The following CASZ1 variants were observed in gnomAD, a reference collection of about 807,000 sequenced individuals.
The protein encoded by CASZ1 is zinc finger protein castor homolog 1.
A neutral mutation model predicts 135.2 loss-of-function variants in CASZ1; 28 were observed. The ratio of observed to expected loss-of-function variants is 0.21; its 90% CI spans 0.15 to 0.28. CASZ1 has a LOEUF of 0.28. CASZ1 is among the 10% of genes least tolerant of loss of function. The pLI is 1.00. For missense variants in CASZ1, 2,161 were observed against 2,453.3 expected (o/e 0.88, Z 2.52); for synonymous variants, 1,068 against 1,073.4 (o/e 0.99, Z 0.10).
intron 2 of CASZ1, among the ~76,000 whole-genome samples, chr1:10,750,028 C>G (rs577295572): frequency 1.3e-5 from 2 of 152,176 alleles, no homozygotes; most frequent in East Asian, 3.9e-4. Context: ...GGACAGCCGG[C>G]CTGTGTGCAG....
chr1:10,672,469 C>G (rs1171060439), intron 4 of CASZ1, among the ~76,000 whole-genome samples: 1 of 150,508 alleles, frequency 6.6e-6, no homozygotes, highest in Non-Finnish European at 1.5e-5. Context: ...GCCCGCGCTC[C>G]AGCCCTCCGC....
rs476164 is a variant in CASZ1, at chr1:10,659,509, T to C, written c.1340+193A>G. 0.24 allele frequency among the ~76,000 whole-genome samples: 35,732 copies of C among 152,026 alleles called. 4,924 individuals are homozygous for C. The highest frequency in any genetic ancestry group is 0.37 in the African/African-American group (15,350 of 41,446). Reference sequence around the variant, plus strand: ...CTGTAGGTGCAAGAGTGAATGTGAGTGCGGCGCGCACCTGTGTGTGTGGAA... The same window carrying C: ...CTGTAGGTGCAAGAGTGAATGTGAGCGCGGCGCGCACCTGTGTGTGTGGAA... On this transcript the variant is annotated intron_variant, in intron 6 of 20. Transcript: ENST00000377022.
intron 2 of CASZ1, among the ~76,000 whole-genome samples, chr1:10,750,069 C>T (rs750413671): frequency 2.0e-5 from 3 of 152,074 alleles, no homozygotes; most frequent in Non-Finnish European, 2.9e-5. Flanking sequence ...CATTGCATGA[C>T]GAACTGGCAG....
At chr1:10,650,807 C>T (rs1642547277) in intron 12 of CASZ1, 52 bp from the exon 13 acceptor site, 2 of 1,605,146 alleles carry the variant, frequency 1.2e-6, no homozygotes, top group Admixed American at 1.7e-5. Context: ...GGCCTGGGCC[C>T]TGGGGCTCAC....
At chr1:10,661,862 ACT>A (rs555850824) in intron 5 of CASZ1, among the ~76,000 whole-genome samples, 174 of 151,534 alleles carry the variant, frequency 1.1e-3, no homozygotes, top group Non-Finnish European at 2.2e-3. Flanking sequence ...ATTCTCATAC[ACT>A]CTTACACAGT....
Position 10,727,159 on chromosome 1 carries a change from G to T in CASZ1, c.-76-21615C>A, listed in dbSNP as rs1391629587. On this transcript the variant is annotated intron_variant, in intron 2 of 20. Coordinates refer to ENST00000377022, the MANE Select transcript of CASZ1 (RefSeq NM_001079843.3). The surrounding 1 kb of genome is among the most constrained non-coding windows in gnomAD (Gnocchi z 5.3). ...ATGGAAACAGCCTGGAGAAGGAAGA[G>T]GGAAAAGGGAGAGGTGGCCAGGGGT... 6.6e-6 allele frequency among the ~76,000 whole-genome samples: 1 copy of T among 152,060 alleles called. No homozygotes were observed. The highest frequency in any genetic ancestry group is 1.5e-5 in the Non-Finnish European group (1 of 67,992).
chr1:10,703,017 G>A (rs1178731086), intron 3 of CASZ1, among the ~76,000 whole-genome samples: 1 of 151,392 alleles, frequency 6.6e-6, no homozygotes, highest in Admixed American at 6.6e-5. Flanking sequence ...GCTATGGGTG[G>A]TGGGAAGGCA....
At chr1:10,740,194 C>T (rs984586337) in intron 2 of CASZ1, among the ~76,000 whole-genome samples, 2 of 152,220 alleles carry the variant, frequency 1.3e-5, no homozygotes, top group African/African-American at 4.8e-5. Flanking sequence ...GGCAAGGCCA[C>T]TTGCCCAATG....
At chr1:10,677,169 C>T (rs284312) in intron 4 of CASZ1, among the ~76,000 whole-genome samples, 62,499 of 152,066 alleles carry the variant, frequency 0.41, 13,788 homozygotes, top group Middle Eastern at 0.47. Context: ...CAGGTGATGC[C>T]TCCCAAGCCT....
chr1:10,713,543 CTA>C (rs1211560147), intron 2 of CASZ1, among the ~76,000 whole-genome samples: 1 of 152,220 alleles, frequency 6.6e-6, no homozygotes, highest in Non-Finnish European at 1.5e-5. Flanking sequence ...TTGGCCCTCA[CTA>C]TAGTCCTCTA....
Position 10,755,476 on chromosome 1 carries a change from C to T in CASZ1, c.-77+5225G>A, listed in dbSNP as rs1395428960. Among the ~76,000 whole-genome samples the T allele has an allele frequency of 6.6e-6, 1 of 152,154 alleles. No individual in the cohort carries two copies. The highest frequency in any genetic ancestry group is 6.5e-5 in the Admixed American group (1 of 15,282). On this transcript the variant is annotated intron_variant, in intron 2 of 20. Coordinates refer to ENST00000377022, the MANE Select transcript of CASZ1 (RefSeq NM_001079843.3). The surrounding 1 kb of genome is among the most constrained non-coding windows in gnomAD (Gnocchi z 4.3). ...CGTCCACCACACCGCGTCAACCCTC[C>T]CAAATCCACGGGTTGTCCCATCCTT...
At chr1:10,769,071 C>T (rs199711126) in intron 1 of CASZ1, among the ~76,000 whole-genome samples, 1 of 152,144 alleles carries the variant, frequency 6.6e-6, no homozygotes, top group Non-Finnish European at 1.5e-5. Context: ...ACCTGGGAGG[C>T]GGAGGTTGCA....
At position 10,694,028 on chromosome 1, in the gene CASZ1, G is replaced by T. The variant is rs1016757213; in HGVS notation, c.-23-116C>A. ...CCGCCCCGCAGGAGCGGCCCGTCCC[G>T]GGCGGGCGCCGAGGCCGCGGCGGAG... On this transcript the variant is annotated intron_variant, in intron 3 of 20. Coordinates refer to ENST00000377022, the MANE Select transcript of CASZ1 (RefSeq NM_001079843.3). This position sits in a 1 kb window ranked among gnomAD's most constrained non-coding sequence, Gnocchi z 6.6. The T allele has an allele frequency of 3.1e-6, 3 of 967,270 alleles. No homozygotes were observed. The highest frequency in any genetic ancestry group is 2.4e-4 in the Middle Eastern group (1 of 4,084). 59.9% of individuals were successfully genotyped at this position (967,270 alleles called of 1,614,324 possible).
intron 1 of CASZ1, among the ~76,000 whole-genome samples, chr1:10,793,469 C>T (rs929230608): frequency 3.3e-5 from 5 of 151,926 alleles, no homozygotes; most frequent in African/African-American, 9.7e-5. Flanking sequence ...ACAAACAAGG[C>T]AAGGGGAAAA....
intron 1 of CASZ1, among the ~76,000 whole-genome samples, chr1:10,770,148 G>C (rs1198197411): frequency 6.6e-6 from 1 of 151,900 alleles, no homozygotes; most frequent in African/African-American, 2.4e-5. Flanking sequence ...GCAATGGCAC[G>C]ATCTCGGCTC....
At chr1:10,737,798 G>A (rs2100523318) in intron 2 of CASZ1, among the ~76,000 whole-genome samples, 1 of 152,350 alleles carries the variant, frequency 6.6e-6, no homozygotes, top group African/African-American at 2.4e-5. Context: ...GGTGCTCGGA[G>A]GGCTGTGGAT....
rs1443024550 is a variant in CASZ1 at position 10,700,078 on chromosome 1, G to GACACACACAC, written c.-24+5413_-24+5414insGTGTGTGTGT. 5.8e-3 allele frequency among the ~76,000 whole-genome samples: 429 copies of GACACACACAC among 74,158 alleles called. 2 individuals carry two copies. Among genetic ancestry groups the GACACACACAC allele is most frequent in the African/African-American group, 0.023 (391 of 17,176 alleles). The allele number at this position is 74,158 out of a possible 152,430, so 48.7% of individuals were successfully genotyped here. ...AGAGACAGAGAGAGAAAGAGAGATA[G>GACACACACAC]AGACACACACACACACACACACACA... On this transcript the variant is annotated intron_variant, in intron 3 of 20. Coordinates refer to ENST00000377022, the MANE Select transcript of CASZ1 (RefSeq NM_001079843.3). This position sits in a 1 kb window ranked among gnomAD's most constrained non-coding sequence, Gnocchi z 4.2.
At chr1:10,775,351 A>G (rs532170642) in intron 1 of CASZ1, among the ~76,000 whole-genome samples, 57 of 152,274 alleles carry the variant, frequency 3.7e-4, no homozygotes, top group African/African-American at 1.3e-3. Context: ...CCTCAGGTTC[A>G]GACGACTTGA....
At chr1:10,684,120 G>A (rs1478324839) in intron 4 of CASZ1, among the ~76,000 whole-genome samples, 1 of 148,632 alleles carries the variant, frequency 6.7e-6, no homozygotes, top group Non-Finnish European at 1.5e-5. Flanking sequence ...CTGATGAGGA[G>A]AGATGATATG....
Sources: allele counts gnomAD v4.1 joint callset (sites outside exome capture counted in the v4.1 genomes callset), GRCh38; gene constraint gnomAD v4.1.1; non-coding constraint Gnocchi (gnomAD v3.1); transcripts MANE v1.5; gene names NCBI Gene and HGNC (gene_info 2026-07-23, HGNC 2026-07-21).